FAT3: variants seen among roughly 807,000 people sequenced by gnomAD.
FAT3 encodes protocadherin Fat 3.
A neutral mutation model predicts 310.2 loss-of-function variants in FAT3; 95 were observed. That is an observed-to-expected ratio of 0.31 (90% confidence interval 0.26 to 0.36). The LOEUF (loss-of-function observed/expected upper bound fraction) is 0.36. Ranked by LOEUF, FAT3 falls within the 10% of genes least tolerant of loss-of-function variation. The pLI is 1.00. For synonymous variants in FAT3, 2,314 were observed against 2,192.9 expected (o/e 1.06, Z -1.54); for missense variants, 5,408 against 5,715.6 (o/e 0.95, Z 1.74).
chr11:92,450,609 G>A (rs941846894), intron 2 of FAT3, among the ~76,000 whole-genome samples: 2 of 152,112 alleles, frequency 1.3e-5, no homozygotes, highest in Admixed American at 1.3e-4. Flanking sequence ...AGTAAATCTT[G>A]TATTTGGAAT....
chr11:92,366,962 C>G (rs551743460), intron 2 of FAT3: 1 of 527,462 alleles, frequency 1.9e-6, no homozygotes, highest in African/African-American at 1.9e-5. Context: ...TTTATTGACT[C>G]TGGTCAGACA....
At chr11:92,872,293 T>C (rs940755088) in intron 22 of FAT3, among the ~76,000 whole-genome samples, 3 of 152,218 alleles carry the variant, frequency 2.0e-5, no homozygotes, top group Non-Finnish European at 4.4e-5. Flanking sequence ...GAATTCTGGG[T>C]CTCATTGCTT....
At chr11:92,300,214 G>A (rs1181822557) in intron 1 of FAT3, among the ~76,000 whole-genome samples, 1 of 152,048 alleles carries the variant, frequency 6.6e-6, no homozygotes, top group Non-Finnish European at 1.5e-5. Flanking sequence ...TTATTCGTTG[G>A]CTCATTATAT....
In FAT3 at chr11:92,884,562, G is replaced by T. The variant is rs76586196; in HGVS notation, c.12937+1169G>T. ...CACTGTGGCATATGCTGAGGGAGAA[G>T]GAGGAAACAGGAAGTTTTCAGATGG... On this transcript the variant is annotated intron_variant, in intron 24 of 27. Transcript: ENST00000525166. Among the ~76,000 whole-genome samples, 966 of 152,290 alleles carry T rather than the reference G, an allele frequency of 6.3e-3. 8 individuals carry two copies. Among genetic ancestry groups the T allele is most frequent in the African/African-American group, 0.022 (923 of 41,554 alleles).
intron 22 of FAT3, among the ~76,000 whole-genome samples, chr11:92,874,622 C>G (rs1412084035): frequency 6.6e-6 from 1 of 152,224 alleles, no homozygotes; most frequent in Non-Finnish European, 1.5e-5. Context: ...TCACCACAAC[C>G]TCCGCCTCCT....
intron 2 of FAT3, among the ~76,000 whole-genome samples, chr11:92,358,376 C>T (rs1289052818): frequency 1.3e-5 from 2 of 152,098 alleles, no homozygotes; most frequent in African/African-American, 4.8e-5. Flanking sequence ...CCCACATCTC[C>T]TCAATCCTAA....
chr11:92,863,117 G>T (rs1949160372), intron 21 of FAT3, among the ~76,000 whole-genome samples: 1 of 151,976 alleles, frequency 6.6e-6, no homozygotes, highest in Admixed American at 6.6e-5. Flanking sequence ...TTGTTTGTGG[G>T]TTTTTTTGTT....
chr11:92,469,681 A>AT (rs894598389), intron 2 of FAT3, among the ~76,000 whole-genome samples: 16 of 149,610 alleles, frequency 1.1e-4, no homozygotes, highest in African/African-American at 3.0e-4. Context: ...TGCCTAGCTA[A>AT]TTTTTTTTTA....
intron 3 of FAT3, among the ~76,000 whole-genome samples, chr11:92,613,674 A>G (rs1248266931): frequency 3.3e-5 from 5 of 152,094 alleles, no homozygotes; most frequent in African/African-American, 1.2e-4. Context: ...AATCCCTAAG[A>G]GCTCTCCTCA....
At chr11:92,490,529 T>G (rs986416183) in intron 2 of FAT3, among the ~76,000 whole-genome samples, 1 of 152,048 alleles carries the variant, frequency 6.6e-6, no homozygotes, top group African/African-American at 2.4e-5. Context: ...TGTAAAGTGG[T>G]GGGGTTTTTG....
intron 2 of FAT3, among the ~76,000 whole-genome samples, chr11:92,506,666 T>G (rs772267058): frequency 6.6e-6 from 1 of 152,156 alleles, no homozygotes; most frequent in Admixed American, 6.6e-5. Context: ...TATATGCATG[T>G]TATCTGCTTC....
At chr11:92,319,556 C>T (rs753034338) in intron 1 of FAT3, among the ~76,000 whole-genome samples, 1 of 152,148 alleles carries the variant, frequency 6.6e-6, no homozygotes, top group Non-Finnish European at 1.5e-5. Context: ...CCATCAGCGC[C>T]AACAACATTG....
intron 7 of FAT3, among the ~76,000 whole-genome samples, chr11:92,775,735 T>C (rs1445602126): frequency 6.6e-6 from 1 of 152,200 alleles, no homozygotes; most frequent in Non-Finnish European, 1.5e-5. Context: ...AAAATTAGTT[T>C]TCTAAAATAT....
intron 3 of FAT3, among the ~76,000 whole-genome samples, chr11:92,533,769 G>A (rs1490819063): frequency 1.3e-5 from 2 of 152,102 alleles, no homozygotes; most frequent in Non-Finnish European, 2.9e-5. Context: ...GCTGCTTCAT[G>A]TCCTGCTAAC....
intron 3 of FAT3, among the ~76,000 whole-genome samples, chr11:92,531,775 A>G (rs1373574898): frequency 6.6e-6 from 1 of 151,348 alleles, no homozygotes; most frequent in East Asian, 1.9e-4. Flanking sequence ...TTTTTTTCAT[A>G]TACTTATTGT....
At chr11:92,376,903 A>C (rs910837588) in intron 2 of FAT3, among the ~76,000 whole-genome samples, 2 of 152,234 alleles carry the variant, frequency 1.3e-5, no homozygotes, top group East Asian at 3.8e-4. Context: ...AATATATTCT[A>C]AGAGCTCACA....
rs1314848827 is a variant in FAT3, at chr11:92,374,510, A to G, written c.3292+19106A>G. Among the ~76,000 whole-genome samples the G allele has an allele frequency of 1.3e-5, 2 of 152,256 alleles. 1 individual carries two copies. ...GTATTTTAACTTGCAGGAAGGCAAG[A>G]AAGATGGAGAATAAGTTTGACTGAT... On this transcript the variant is annotated intron_variant, in intron 2 of 27. Coordinates refer to ENST00000525166, the MANE Select transcript of FAT3 (RefSeq NM_001367949.2).
intron 2 of FAT3, among the ~76,000 whole-genome samples, chr11:92,448,501 A>T (rs1388160984): frequency 6.6e-6 from 1 of 152,208 alleles, no homozygotes; most frequent in Non-Finnish European, 1.5e-5. Context: ...AATCTTTAAG[A>T]TGCAAAATCT....
At chr11:92,310,923 T>G (rs77804619) in intron 1 of FAT3, among the ~76,000 whole-genome samples, 35 of 152,112 alleles carry the variant, frequency 2.3e-4, no homozygotes, top group African/African-American at 7.9e-4. Flanking sequence ...ACCAGATTTT[T>G]TTCCATTCTT....
Sources: gnomAD v4.1 joint callset for allele counts (sites outside exome capture counted in the v4.1 genomes callset) on GRCh38, gnomAD v4.1.1 for gene constraint, MANE v1.5 for transcripts, NCBI Gene and HGNC (gene_info 2026-07-23, HGNC 2026-07-21) for gene names.